The following TBC1D10B variants were observed in gnomAD, a reference collection of about 807,000 sequenced individuals.
TBC1D10B encodes Rab27A-GAPbeta.
A neutral mutation model predicts 78.4 loss-of-function variants in TBC1D10B; 25 were observed. That is an observed-to-expected ratio of 0.32 (90% confidence interval 0.23 to 0.45). The LOEUF (loss-of-function observed/expected upper bound fraction) is 0.45. Among genes scored for constraint, TBC1D10B ranks in the 20% least tolerant of loss-of-function variants. The pLI is 1.00. For synonymous variants in TBC1D10B, 517 were observed against 478.0 expected, an observed-to-expected ratio of 1.08 and a Z score of -1.06; for missense variants, 996 against 1,104.8, an observed-to-expected ratio of 0.90 and a Z score of 1.40.
chr16:30,368,318 T>A (rs557721633), intron 1 of TBC1D10B, among the ~76,000 whole-genome samples: 1 of 152,336 alleles, frequency 6.6e-6, no homozygotes, highest in African/African-American at 2.4e-5. Context: ...GGAAACCCTC[T>A]GGAGATCTCT....
rs2049563293 is a variant in TBC1D10B, at chr16:30,357,749, G to C, written c.*195C>G. 6 of 753,008 alleles carry C rather than the reference G, an allele frequency of 8.0e-6. No homozygotes were observed. In the Admixed American group the frequency reaches 1.8e-4, roughly 22 times the overall value. 46.6% of individuals were successfully genotyped at this position (753,008 alleles called of 1,614,324 possible). On this transcript the variant is annotated 3_prime_UTR_variant, in exon 9 of 9. Coordinates refer to ENST00000409939, the MANE Select transcript of TBC1D10B (RefSeq NM_015527.4). ...CAGCTGAGCCTCATGGGAGATGAGA[G>C]GCTCCAGACTCATTTGCAGCTGCCC...
At chr16:30,360,609 ATCT>A (rs1338059508) in intron 4 of TBC1D10B, among the ~76,000 whole-genome samples, 2 of 152,180 alleles carry the variant, frequency 1.3e-5, no homozygotes, top group East Asian at 3.8e-4. Flanking sequence ...TTCAAGTGTG[ATCT>A]TCATTTGTAT....
intron 4 of TBC1D10B, among the ~76,000 whole-genome samples, chr16:30,362,722 G>T (rs1363734768): frequency 6.6e-6 from 1 of 152,126 alleles, no homozygotes; most frequent in Admixed American, 6.6e-5. Context: ...TCTCTATCTA[G>T]AGGTCCAATA....
chr16:30,369,951 G>A lies in TBC1D10B; in HGVS notation c.233C>T (p.Pro78Leu), dbSNP rs1596991964. The change falls in exon 1 of 9, where the codon CCG becomes CTG. Residue 78 changes from proline (P) to leucine (L), a missense_variant. By Grantham distance (98) the Pro-to-Leu change is moderately conservative. Around this residue, in one of 5 missense-constraint regions of TBC1D10B, gnomAD observed 448 missense variants for 442.1 expected, o/e 1.01. Transcript: ENST00000409939. The surrounding 1 kb of genome is among the most constrained non-coding windows in gnomAD (Gnocchi z 4.3). ...GCCCGTGACAGCCGGGGCTGGGGCC[G>A]GGGCTGGGGCCGGGGCCGGAGCAGA... ...ETSAPAPAPA[P>L]APAPAVTGST... is the part of the protein sequence containing the mutation. 2.3e-6 allele frequency: 3 copies of A among 1,291,684 alleles called. No homozygotes were observed. The highest frequency in any genetic ancestry group is 3.8e-5 in the Admixed American group (1 of 26,002). 80.0% of individuals were successfully genotyped at this position (1,291,684 alleles called of 1,614,324 possible).
Position 30,365,687 on chromosome 16 carries a change from A to C in TBC1D10B, c.957-93T>G. 4.4e-5 allele frequency: 52 copies of C among 1,170,054 alleles called. No individual in the cohort carries two copies. Among genetic ancestry groups the C allele is most frequent in the Non-Finnish European group, 6.3e-5 (50 of 792,230 alleles). 72.5% of individuals were successfully genotyped at this position (1,170,054 alleles called of 1,614,324 possible). A position where few individuals can be genotyped will look rare whatever the true frequency, so the allele number is the denominator to read the frequency against. On this transcript the variant is annotated intron_variant, in intron 1 of 8. Transcript: ENST00000409939. This position sits in a 1 kb window ranked among gnomAD's most constrained non-coding sequence, Gnocchi z 5.0. ...TGAGGCAAGCCACCTCCCCAAGCTC[A>C]AACGAGAAACTGGATAGTCTGTGAG...
Position 30,359,365 on chromosome 16 carries a change from C to T in TBC1D10B, c.1453-4G>A. On this transcript the variant is annotated splice_polypyrimidine_tract_variant and splice_region_variant and intron_variant, in intron 6 of 8. Coordinates refer to ENST00000409939, the MANE Select transcript of TBC1D10B (RefSeq NM_015527.4). ...CCCCGTCCAGCTGAATGGCCTCCTGCAGGTGGGACAAGCCATGAGAAGAGG... is the reference window on the plus strand; with the variant it reads ...CCCCGTCCAGCTGAATGGCCTCCTGTAGGTGGGACAAGCCATGAGAAGAGG... 6.4e-7 allele frequency: 1 copy of T among 1,559,750 alleles called. No homozygotes were observed. Among genetic ancestry groups the T allele is most frequent in the Non-Finnish European group, 8.7e-7 (1 of 1,152,602 alleles).
rs80056469 is a variant in TBC1D10B at position 30,365,077 on chromosome 16, T to A, written c.1164+28A>T. 9 of 1,612,636 alleles carry A rather than the reference T, an allele frequency of 5.6e-6. No homozygotes were observed. In the East Asian group the frequency reaches 2.0e-4, roughly 36 times the overall value. On this transcript the variant is annotated intron_variant, in intron 3 of 8. Transcript: ENST00000409939. This position sits in a 1 kb window ranked among gnomAD's most constrained non-coding sequence, Gnocchi z 5.0. ...TACCCCTTGCACAGACAGGGCCACA[T>A]GTCCCCACACCTTGGAGCTGCACGC...
intron 4 of TBC1D10B, among the ~76,000 whole-genome samples, chr16:30,362,695 T>TA (rs1370122448): frequency 6.6e-6 from 1 of 152,240 alleles, no homozygotes; most frequent in African/African-American, 2.4e-5. Flanking sequence ...TTGTGTATAC[T>TA]GTACACTGAA....
At position 30,365,404 on chromosome 16, in the gene TBC1D10B, G is replaced by A. The variant is rs939314446; in HGVS notation, c.1056+91C>T. On this transcript the variant is annotated intron_variant, in intron 2 of 8. Transcript: ENST00000409939. The surrounding 1 kb of genome is among the most constrained non-coding windows in gnomAD (Gnocchi z 5.0). ...CATCTATCCCCAGTGTGGTCCAGAG[G>A]GCAGATATTATCGGCTTCCTGGGCT... The A allele has an allele frequency of 2.0e-6, 3 of 1,475,264 alleles. No individual in the cohort carries two copies. In the South Asian group the frequency reaches 3.4e-5, roughly 17 times the overall value. The allele number at this position is 1,475,264 out of a possible 1,614,324, so 91.4% of individuals were successfully genotyped here. A position where few individuals can be genotyped will look rare whatever the true frequency, so the allele number is the denominator to read the frequency against.
intron 4 of TBC1D10B, among the ~76,000 whole-genome samples, chr16:30,360,563 C>G (rs960086878): frequency 6.6e-6 from 1 of 152,138 alleles, no homozygotes; most frequent in South Asian, 2.1e-4. Flanking sequence ...TCCTCCTGAC[C>G]ACTTCCCAGA....
chr16:30,358,150 CCTT>C lies in TBC1D10B; in HGVS notation c.2218_2220del (p.Lys740del), dbSNP rs1408850664. 1 of 1,549,466 alleles carries C rather than the reference CCTT, an allele frequency of 6.5e-7. No homozygotes were observed. The stretch of plus-strand genomic sequence containing the variant: ...TGCTTCTGCCGCTCCTTCTCCCGCT[CCTT>C]CTCCTGTTTCTGCCGCTCCTTCTCC... On this transcript the variant is annotated inframe_deletion, in exon 9 of 9. Coordinates refer to ENST00000409939, the MANE Select transcript of TBC1D10B (RefSeq NM_015527.4).
intron 4 of TBC1D10B, among the ~76,000 whole-genome samples, chr16:30,362,969 G>A (rs2049608545): frequency 1.3e-5 from 2 of 152,200 alleles, no homozygotes; most frequent in Non-Finnish European, 2.9e-5. Flanking sequence ...CCTGGGAGGT[G>A]GAGGTTGCAG....
In TBC1D10B at chr16:30,357,856, C is replaced by A; in HGVS notation, c.*88G>T. ...CTTTCCCCAGCAAGGGACAGCCTGA[C>A]AAGGTGCTAGGGGGTGGCACCTTGG... On this transcript the variant is annotated 3_prime_UTR_variant, in exon 9 of 9. Transcript: ENST00000409939. 6.9e-7 allele frequency: 1 copy of A among 1,451,290 alleles called. No individual in the cohort carries two copies. Among genetic ancestry groups the A allele is most frequent in the Non-Finnish European group, 9.1e-7 (1 of 1,103,572 alleles). The allele number at this position is 1,451,290 out of a possible 1,614,324, so 89.9% of individuals were successfully genotyped here. A position where few individuals can be genotyped will look rare whatever the true frequency, so the allele number is the denominator to read the frequency against.
At chr16:30,359,464 G>C (rs2049584855) in intron 6 of TBC1D10B, 74 bp downstream of exon 6, 1 of 1,548,492 alleles carries the variant, frequency 6.5e-7, no homozygotes, top group South Asian at 1.2e-5. Context: ...GCCAGGGTGG[G>C]GCAAGGCAAG....
At chr16:30,362,843 C>G (rs1207305697) in intron 4 of TBC1D10B, among the ~76,000 whole-genome samples, 1 of 152,100 alleles carries the variant, frequency 6.6e-6, no homozygotes, top group Admixed American at 6.6e-5. Flanking sequence ...TCGAGACCAG[C>G]CTGGCCAACA....
chr16:30,363,828 T>C (rs1243246783), intron 4 of TBC1D10B, among the ~76,000 whole-genome samples: 1 of 151,960 alleles, frequency 6.6e-6, no homozygotes, highest in Non-Finnish European at 1.5e-5. Flanking sequence ...ATTTAAAAAA[T>C]TGTCCGGCTG....
rs2049561915 is a variant in TBC1D10B, at chr16:30,357,610, T to C, written c.*334A>G. On this transcript the variant is annotated 3_prime_UTR_variant, in exon 9 of 9. Coordinates refer to ENST00000409939, the MANE Select transcript of TBC1D10B (RefSeq NM_015527.4). ...TAAGGGGAGCTATGGAGTGTAAGAA[T>C]CTGAAACTGCTGACTCCCATCACCA... is the stretch of plus-strand genomic sequence containing the variant. 2.6e-6 allele frequency: 1 copy of C among 383,950 alleles called. No homozygotes were observed. The highest frequency in any genetic ancestry group is 4.8e-6 in the Non-Finnish European group (1 of 209,890). 23.8% of individuals were successfully genotyped at this position (383,950 alleles called of 1,614,324 possible).
intron 1 of TBC1D10B, among the ~76,000 whole-genome samples, chr16:30,368,930 T>C (rs1422447947): frequency 6.6e-6 from 1 of 152,006 alleles, no homozygotes; most frequent in African/African-American, 2.4e-5. Context: ...TCAATCCACT[T>C]TATAGAGGAA....
intron 7 of TBC1D10B, 68 bp downstream of exon 7, chr16:30,359,104 A>T: frequency 6.6e-7 from 1 of 1,506,674 alleles, no homozygotes; most frequent in Non-Finnish European, 8.9e-7. Context: ...CACCAGAAAT[A>T]TGACAGAACC....
Sources: allele counts gnomAD v4.1 joint callset (sites outside exome capture counted in the v4.1 genomes callset), GRCh38; gene constraint gnomAD v4.1.1; regional missense constraint gnomAD v4.1.1; non-coding constraint Gnocchi (gnomAD v3.1); transcripts MANE v1.5; gene names NCBI Gene and HGNC (gene_info 2026-07-23, HGNC 2026-07-21).